HACE1: variants seen among roughly 807,000 people sequenced by gnomAD.
HACE1 encodes the protein E3 ubiquitin-protein ligase HACE1.
HACE1 carries 73 observed loss-of-function variants against 118.4 expected under a neutral mutation model. The observed-to-expected ratio is 0.62, with a 90% CI of 0.51 to 0.75. HACE1 has a LOEUF of 0.75. HACE1 is among the 30% of genes least tolerant of loss of function. The pLI is 0.00. For missense variants in HACE1, 749 were observed against 1,102.2 expected, an observed-to-expected ratio of 0.68 and a Z score of 4.54; for synonymous variants, 368 against 374.8, an observed-to-expected ratio of 0.98 and a Z score of 0.21.
At chr6:104,746,551 C>A (rs889520095) in intron 20 of HACE1, among the ~76,000 whole-genome samples, 1 of 152,222 alleles carries the variant, frequency 6.6e-6, no homozygotes, top group Non-Finnish European at 1.5e-5. Context: ...TCAAGTATGG[C>A]TACCATCAGG....
chr6:104,817,098 T>TA (rs1772200881), intron 6 of HACE1, among the ~76,000 whole-genome samples: 1 of 152,204 alleles, frequency 6.6e-6, no homozygotes, highest in Non-Finnish European at 1.5e-5. Context: ...CTGTCTCAGA[T>TA]GAGACTTTGA....
chr6:104,830,499 A>G (rs775864203), intron 6 of HACE1, among the ~76,000 whole-genome samples: 2 of 152,174 alleles, frequency 1.3e-5, no homozygotes, highest in Non-Finnish European at 2.9e-5. Flanking sequence ...AGACAATGTC[A>G]CCTTTGCCTA....
Position 104,773,771 on chromosome 6 carries a change from T to TTA in HACE1, c.1865-1698_1865-1697insTA, listed in dbSNP as rs777650509. Among the ~76,000 whole-genome samples, 5 of 147,556 alleles carry TTA rather than the reference T, an allele frequency of 3.4e-5. No individual in the cohort carries two copies. In the South Asian group the frequency reaches 6.4e-4, roughly 19 times the overall value. On this transcript the variant is annotated intron_variant, in intron 17 of 23. Transcript: ENST00000262903. ...AAAAGAATAGATAAGGAGACTTTTT[T>TTA]AAAAAAAAAAAAGGAAACATATAGG...
At chr6:104,810,921 T>TAAC (rs1241551087) in intron 7 of HACE1, among the ~76,000 whole-genome samples, 1 of 152,026 alleles carries the variant, frequency 6.6e-6, no homozygotes, top group Non-Finnish European at 1.5e-5. Flanking sequence ...CCTGGTTACA[T>TAAC]AACACAGTAA....
chr6:104,827,112 G>A (rs1773416828), intron 6 of HACE1, among the ~76,000 whole-genome samples: 1 of 152,106 alleles, frequency 6.6e-6, no homozygotes, highest in African/African-American at 2.4e-5. Flanking sequence ...ATTGAAGGCG[G>A]TGACTAACCA....
intron 1 of HACE1, among the ~76,000 whole-genome samples, chr6:104,854,719 C>T (rs1193177423): frequency 1.3e-5 from 2 of 151,866 alleles, no homozygotes; most frequent in Non-Finnish European, 2.9e-5. Flanking sequence ...ATTGTATTGG[C>T]TCTAGTAATG....
chr6:104,746,179 TTC>T (rs1238757045), intron 20 of HACE1, among the ~76,000 whole-genome samples: 1 of 152,230 alleles, frequency 6.6e-6, no homozygotes, highest in African/African-American at 2.4e-5. Flanking sequence ...TATTTTACAT[TTC>T]TGTTTTAATT....
intron 11 of HACE1, chr6:104,785,996 T>C (rs1782349384): frequency 6.6e-6 from 1 of 152,170 alleles, no homozygotes; most frequent in African/African-American, 2.4e-5. Context: ...TAATAATTAG[T>C]GTTTTTTTAA....
chr6:104,743,862 T>C (rs2114508788), intron 22 of HACE1, among the ~76,000 whole-genome samples: 1 of 151,992 alleles, frequency 6.6e-6, no homozygotes, highest in South Asian at 2.1e-4. Context: ...ATATTAAAAA[T>C]TTGGCTACTA....
At chr6:104,822,952 C>T (rs1187722277) in intron 6 of HACE1, among the ~76,000 whole-genome samples, 4 of 152,150 alleles carry the variant, frequency 2.6e-5, no homozygotes, top group Admixed American at 6.5e-5. Context: ...ATTAGACTAA[C>T]ATACTCCTCT....
intron 22 of HACE1, among the ~76,000 whole-genome samples, chr6:104,738,513 T>C (rs1231975222): frequency 6.7e-6 from 1 of 149,472 alleles, no homozygotes; most frequent in African/African-American, 2.5e-5. Context: ...GAGAACTACG[T>C]GAAGAATGCA....
intron 22 of HACE1, among the ~76,000 whole-genome samples, chr6:104,739,220 A>T (rs1240637300): frequency 2.0e-5 from 3 of 152,210 alleles, no homozygotes; most frequent in Admixed American, 1.3e-4. Flanking sequence ...TCATGCCAAA[A>T]TGTAAAGACC....
chr6:104,773,704 T>G (rs938407433), intron 17 of HACE1, among the ~76,000 whole-genome samples: 2 of 152,060 alleles, frequency 1.3e-5, no homozygotes, highest in African/African-American at 4.8e-5. Flanking sequence ...GCTCTGTGTT[T>G]AATTCCTTCT....
At chr6:104,785,766 A>G (rs1488357744) in intron 11 of HACE1, 1 of 157,296 alleles carries the variant, frequency 6.4e-6, no homozygotes, top group Non-Finnish European at 1.4e-5. Context: ...TAATCACTCA[A>G]CATTTTCTGT....
chr6:104,761,861 A>G (rs1293941425), intron 19 of HACE1, among the ~76,000 whole-genome samples: 1 of 152,208 alleles, frequency 6.6e-6, no homozygotes, highest in Non-Finnish European at 1.5e-5. Flanking sequence ...AGAAAAAAAC[A>G]AACAACCCCA....
At chr6:104,774,515 G>T (rs1366633236) in intron 17 of HACE1, among the ~76,000 whole-genome samples, 1 of 152,016 alleles carries the variant, frequency 6.6e-6, no homozygotes, top group Non-Finnish European at 1.5e-5. Context: ...CTACCAAGTA[G>T]CTGGGACTAC....
At chr6:104,760,805 C>A (rs1779272507) in intron 19 of HACE1, among the ~76,000 whole-genome samples, 1 of 152,162 alleles carries the variant, frequency 6.6e-6, no homozygotes, top group Admixed American at 6.5e-5. Context: ...ACCCCATTGT[C>A]TCAGCGCAAA....
At chr6:104,792,018 A>G (rs1783075595) in intron 10 of HACE1, among the ~76,000 whole-genome samples, 1 of 152,206 alleles carries the variant, frequency 6.6e-6, no homozygotes, top group Non-Finnish European at 1.5e-5. Context: ...AGAAGTCTGT[A>G]TTTCACAGAG....
At chr6:104,840,242 A>G (rs1349410628) in intron 5 of HACE1, among the ~76,000 whole-genome samples, 1 of 152,218 alleles carries the variant, frequency 6.6e-6, no homozygotes, top group East Asian at 1.9e-4. Context: ...ATAAAATGTT[A>G]TGCAAGAAAG....
Sources: allele counts gnomAD v4.1 joint callset (sites outside exome capture counted in the v4.1 genomes callset), GRCh38; gene constraint gnomAD v4.1.1; transcripts MANE v1.5; gene names NCBI Gene and HGNC (gene_info 2026-07-23, HGNC 2026-07-21).